The following MOB3B variants were observed in gnomAD, a reference collection of about 807,000 sequenced individuals.
MOB3B encodes MOB kinase activator 3B.
Under a neutral mutation model 18.7 loss-of-function variants are expected in MOB3B, and 7 were observed. The ratio of observed to expected loss-of-function variants is 0.37; its 90% confidence interval spans 0.21 to 0.70. MOB3B has a LOEUF of 0.70. Ranked by LOEUF, MOB3B falls within the 30% of genes least tolerant of loss-of-function variation. MOB3B has a pLI of 0.52. For missense variants in MOB3B, 253 were observed against 281.3 expected (o/e 0.90, Z 0.72); for synonymous variants, 111 against 99.9 (o/e 1.11, Z -0.66).
chr9:27,359,782 A>G (rs1821247239), intron 2 of MOB3B, among the ~76,000 whole-genome samples: 1 of 152,154 alleles, frequency 6.6e-6, no homozygotes, highest in Non-Finnish European at 1.5e-5. Flanking sequence ...CTTGTTTTTC[A>G]TAACACAGAA....
chr9:27,381,494 TCTG>T (rs1245405772), intron 2 of MOB3B, among the ~76,000 whole-genome samples: 2 of 152,152 alleles, frequency 1.3e-5, no homozygotes, highest in Non-Finnish European at 2.9e-5. Flanking sequence ...GCCCTGGAAT[TCTG>T]CTAAGTGCCT....
At chr9:27,527,854 T>C (rs541361439) in intron 1 of MOB3B, among the ~76,000 whole-genome samples, 23 of 152,202 alleles carry the variant, frequency 1.5e-4, no homozygotes, top group African/African-American at 3.6e-4. Flanking sequence ...TTGCCCCAGT[T>C]CTTTAATCAA....
chr9:27,368,092 G>C (rs1385951051), intron 2 of MOB3B, among the ~76,000 whole-genome samples: 2 of 152,028 alleles, frequency 1.3e-5, no homozygotes, highest in Non-Finnish European at 2.9e-5. Flanking sequence ...CACACACGTG[G>C]AAAAAGAAAA....
At chr9:27,361,267 C>T (rs1481317698) in intron 2 of MOB3B, among the ~76,000 whole-genome samples, 1 of 152,284 alleles carries the variant, frequency 6.6e-6, no homozygotes, top group African/African-American at 2.4e-5. Context: ...ACCAAGTCCG[C>T]CTGACTCTAA....
rs747633301 is a variant in MOB3B, at chr9:27,455,157, C to T, written c.394G>A (p.Glu132Lys). Residue 132 changes from glutamate to lysine, a missense_variant, in exon 2 of 4, where the codon GAG (glutamate) becomes AAG (lysine). By Grantham distance (56) the Glu-to-Lys change is moderately conservative (BLOSUM62 1). Coordinates refer to ENST00000262244, the MANE Select transcript of MOB3B (RefSeq NM_024761.5). The stretch of plus-strand genomic sequence containing the variant: ...CCCACGCATGTTGGAAATATTTCCT[C>T]GTTGTTGATCTGAACCTCAATCCAA... Reference protein sequence around the residue: ...MDWIEVQINNEEIFPTCVGVP... With the variant: ...MDWIEVQINNKEIFPTCVGVP... 4.3e-6 allele frequency: 7 copies of T among 1,613,944 alleles called. No individual in the cohort carries two copies. The highest frequency in any genetic ancestry group is 1.7e-5 in the Admixed American group (1 of 60,002).
chr9:27,368,402 A>T (rs1469735889), intron 2 of MOB3B, among the ~76,000 whole-genome samples: 1 of 151,936 alleles, frequency 6.6e-6, no homozygotes, highest in Non-Finnish European at 1.5e-5. Context: ...AGAGGGAGAG[A>T]GAGAGAAGCT....
intron 1 of MOB3B, among the ~76,000 whole-genome samples, chr9:27,462,087 G>T (rs564408174): frequency 1.3e-5 from 2 of 152,256 alleles, no homozygotes; most frequent in South Asian, 4.2e-4. Flanking sequence ...ACCTTGGGCA[G>T]GGTTGATCCA....
chr9:27,342,181 C>T (rs1379432502), intron 3 of MOB3B, among the ~76,000 whole-genome samples: 1 of 152,138 alleles, frequency 6.6e-6, no homozygotes, highest in African/African-American at 2.4e-5. Context: ...GCTGGCTGAC[C>T]TCGCGTCGCA....
chr9:27,494,275 C>A (rs1267388358), intron 1 of MOB3B, among the ~76,000 whole-genome samples: 1 of 152,182 alleles, frequency 6.6e-6, no homozygotes, highest in Non-Finnish European at 1.5e-5. Flanking sequence ...TGATCTCGCC[C>A]TGCCTCCACT....
chr9:27,431,285 G>T (rs1822413961), intron 2 of MOB3B, among the ~76,000 whole-genome samples: 1 of 152,200 alleles, frequency 6.6e-6, no homozygotes, highest in Non-Finnish European at 1.5e-5. Flanking sequence ...GATGTAACAT[G>T]TGGTTTTATT....
At chr9:27,475,944 G>T (rs981722711) in intron 1 of MOB3B, among the ~76,000 whole-genome samples, 1 of 152,154 alleles carries the variant, frequency 6.6e-6, no homozygotes, top group African/African-American at 2.4e-5. Context: ...AGCCAGAGTG[G>T]TACTTTAAAG....
At chr9:27,378,606 A>C (rs1191746874) in intron 2 of MOB3B, 1 of 470,890 alleles carries the variant, frequency 2.1e-6, no homozygotes, top group East Asian at 6.9e-5. Flanking sequence ...TTCCCCCTGT[A>C]TCTCACTCTA....
chr9:27,399,553 T>C (rs1271912593), intron 2 of MOB3B, among the ~76,000 whole-genome samples: 1 of 152,152 alleles, frequency 6.6e-6, no homozygotes, highest in Non-Finnish European at 1.5e-5. Context: ...ACAACTGTTT[T>C]AGAGTATTTC....
At chr9:27,335,026 C>T (rs1009092948) in intron 3 of MOB3B, among the ~76,000 whole-genome samples, 4 of 152,092 alleles carry the variant, frequency 2.6e-5, no homozygotes, top group Non-Finnish European at 5.9e-5. Flanking sequence ...AGGATGGTCT[C>T]GATCTCCTGA....
intron 2 of MOB3B, among the ~76,000 whole-genome samples, chr9:27,399,522 G>C (rs913799194): frequency 6.6e-6 from 1 of 152,160 alleles, no homozygotes; most frequent in Non-Finnish European, 1.5e-5. Context: ...CCAGGAACTT[G>C]GCTGAGAGGC....
At chr9:27,441,829 C>A (rs1365715860) in intron 2 of MOB3B, among the ~76,000 whole-genome samples, 1 of 151,860 alleles carries the variant, frequency 6.6e-6, no homozygotes, top group Admixed American at 6.6e-5. Flanking sequence ...ACTCCCTCCC[C>A]ACCCCAGCAG....
Position 27,359,150 on chromosome 9 carries a change from G to A in MOB3B, c.505C>T (p.His169Tyr). The A allele has an allele frequency of 6.2e-7, 1 of 1,614,090 alleles. No homozygotes were observed. Among genetic ancestry groups the A allele is most frequent in the Non-Finnish European group, 8.5e-7 (1 of 1,180,028 alleles). The change falls in exon 3 of 4, where the codon CAC becomes TAC. Residue 169 changes from histidine to tyrosine, a missense_variant. Physicochemically the swap from His to Tyr is moderately conservative, Grantham distance 83. Transcript: ENST00000262244. Reference sequence around the variant, plus strand: ...CCCATCACAATGACCCGGTCGAAGTGGTGGATATAGACGTGGACAAAGACC... The same window carrying A: ...CCCATCACAATGACCCGGTCGAAGTAGTGGATATAGACGTGGACAAAGACC... The part of the protein sequence containing the change: ...FRVFVHVYIH[H>Y]FDRVIVMGAE...
intron 3 of MOB3B, among the ~76,000 whole-genome samples, chr9:27,340,408 C>G (rs548444009): frequency 6.6e-6 from 1 of 152,306 alleles, no homozygotes; most frequent in South Asian, 2.1e-4. Flanking sequence ...TACATTGTTT[C>G]TTATAAAGAC....
At chr9:27,425,104 G>A (rs144787650) in intron 2 of MOB3B, among the ~76,000 whole-genome samples, 16 of 152,190 alleles carry the variant, frequency 1.1e-4, no homozygotes, top group East Asian at 5.8e-4. Context: ...ATCCAGGCGC[G>A]GTGGCTTGTG....
Sources: allele counts gnomAD v4.1 joint callset (sites outside exome capture counted in the v4.1 genomes callset), GRCh38; gene constraint gnomAD v4.1.1; transcripts MANE v1.5; gene names NCBI Gene and HGNC (gene_info 2026-07-23, HGNC 2026-07-21).